SLC39A11: variants seen among roughly 807,000 people sequenced by gnomAD.
SLC39A11 encodes the protein zinc transporter ZIP11.
SLC39A11 carries 33 observed loss-of-function variants against 36.1 expected under a neutral mutation model. The observed-to-expected ratio is 0.91, with a 90% CI of 0.69 to 1.22. The LOEUF is 1.22. SLC39A11 is among the 50% of genes most tolerant of loss of function. The pLI is 0.00. For missense variants in SLC39A11, 432 were observed against 430.3 expected (o/e 1.00, Z -0.03); for synonymous variants, 166 against 170.3 (o/e 0.97, Z 0.20).
At chr17:73,033,310 G>A (rs2058799796) in intron 3 of SLC39A11, among the ~76,000 whole-genome samples, 1 of 152,228 alleles carries the variant, frequency 6.6e-6, no homozygotes, top group South Asian at 2.1e-4. Flanking sequence ...GTAAGTAGCA[G>A]ATCCAGGGAA....
At chr17:72,809,239 C>G (rs1450252828) in intron 6 of SLC39A11, among the ~76,000 whole-genome samples, 1 of 148,306 alleles carries the variant, frequency 6.7e-6, no homozygotes, top group African/African-American at 2.6e-5. Context: ...TTCTTTCTGC[C>G]CTCTCAGGCC....
chr17:72,677,342 C>G (rs1326963653), intron 7 of SLC39A11, among the ~76,000 whole-genome samples: 3 of 152,184 alleles, frequency 2.0e-5, no homozygotes, highest in Non-Finnish European at 4.4e-5. Flanking sequence ...ATGGCCAACA[C>G]CAGCTGGGCC....
intron 5 of SLC39A11, among the ~76,000 whole-genome samples, chr17:72,899,197 C>T (rs1276554656): frequency 6.6e-6 from 1 of 152,090 alleles, no homozygotes; most frequent in Admixed American, 6.5e-5. Context: ...AAGGGCAGCT[C>T]CATTTCCCCA....
At position 72,647,478 on chromosome 17, in the gene SLC39A11, G is replaced by C. The variant is rs2069607189; in HGVS notation, c.*106C>G. ...TCAGGATAATGAGATGAAGAAGAGA[G>C]GAAGGAAAAAAGTTTTAATGTGAAG... On this transcript the variant is annotated 3_prime_UTR_variant, in exon 10 of 10. Coordinates refer to ENST00000255559, the MANE Select transcript of SLC39A11 (RefSeq NM_139177.4). 1 of 824,762 alleles carries C rather than the reference G, an allele frequency of 1.2e-6. No individual in the cohort carries two copies. The highest frequency in any genetic ancestry group is 1.7e-5 in the African/African-American group (1 of 57,790). The allele number at this position is 824,762 out of a possible 1,614,324, so 51.1% of individuals were successfully genotyped here. A position where few individuals can be genotyped will look rare whatever the true frequency, so the allele number is the denominator to read the frequency against.
Position 72,665,389 on chromosome 17 carries a change from G to GT in SLC39A11, c.672-16122dup, listed in dbSNP as rs780329919. ...GGTTTAAGCCACCAAGTTTTGAGGT[G>GT]TTTTTTTTTTTTTTTTTTTTTGAGA... On this transcript the variant is annotated intron_variant, in intron 7 of 9. Transcript: ENST00000255559. Among the ~76,000 whole-genome samples, 452 of 76,612 alleles carry GT rather than the reference G, an allele frequency of 5.9e-3. 27 individuals carry two copies. Among genetic ancestry groups the GT allele is most frequent in the East Asian group, 0.02 (56 of 2,738 alleles). 50.3% of individuals were successfully genotyped at this position (76,612 alleles called of 152,430 possible).
intron 4 of SLC39A11, among the ~76,000 whole-genome samples, chr17:72,991,599 T>C (rs1322694102): frequency 6.6e-6 from 1 of 150,630 alleles, no homozygotes; most frequent in Non-Finnish European, 1.5e-5. Flanking sequence ...TCTCAGATAA[T>C]CCCCCCGCCT....
intron 4 of SLC39A11, among the ~76,000 whole-genome samples, chr17:72,990,718 G>A (rs978842502): frequency 9.2e-5 from 14 of 152,076 alleles, no homozygotes; most frequent in African/African-American, 3.4e-4. Flanking sequence ...GTGAAGAACC[G>A]TGCCTGTCCC....
At chr17:72,890,923 T>C (rs1463670354) in intron 5 of SLC39A11, among the ~76,000 whole-genome samples, 1 of 152,116 alleles carries the variant, frequency 6.6e-6, no homozygotes. Flanking sequence ...ACTGCAAATA[T>C]ACTGAGAATT....
At chr17:72,690,932 C>T (rs955113730) in intron 7 of SLC39A11, among the ~76,000 whole-genome samples, 3 of 152,214 alleles carry the variant, frequency 2.0e-5, no homozygotes, top group Admixed American at 6.5e-5. Flanking sequence ...CTGGAAACGT[C>T]TAGAGTAGAT....
At position 73,026,425 on chromosome 17, in the gene SLC39A11, G is replaced by A. The variant is rs536977899; in HGVS notation, c.306+5131C>T. ...AGATAGTTGGGAGACTGAGGCAGGA[G>A]AATCGCCTGAACCCGGGAGGGAGGC... is the stretch of plus-strand genomic sequence containing the variant. On this transcript the variant is annotated intron_variant, in intron 4 of 9. Coordinates refer to ENST00000255559, the MANE Select transcript of SLC39A11 (RefSeq NM_139177.4). Among the ~76,000 whole-genome samples, 42 of 149,894 alleles carry A rather than the reference G, an allele frequency of 2.8e-4. 1 individual carries two copies. The highest frequency in any genetic ancestry group is 1.0e-3 in the African/African-American group (41 of 40,660).
At chr17:72,991,398 C>T (rs2089163466) in intron 4 of SLC39A11, among the ~76,000 whole-genome samples, 1 of 151,544 alleles carries the variant, frequency 6.6e-6, no homozygotes, top group Non-Finnish European at 1.5e-5. Flanking sequence ...TGCTCTGTCA[C>T]CCAGACTGGG....
intron 3 of SLC39A11, among the ~76,000 whole-genome samples, chr17:73,047,984 AAAAAAAATATATATATATAT>A (rs1318975365): frequency 4.7e-4 from 22 of 46,452 alleles, no homozygotes; most frequent in African/African-American, 1.4e-3. Context: ...AAAAAAAAAA[AAAAAAAATATATATATATAT>A]ATATATATAT....
At chr17:72,861,733 T>A (rs1181402708) in intron 5 of SLC39A11, among the ~76,000 whole-genome samples, 1 of 97,794 alleles carries the variant, frequency 1.0e-5, no homozygotes, top group Non-Finnish European at 2.0e-5. Context: ...TATACACACA[T>A]TGGAGATTAT....
chr17:72,969,686 T>C (rs770269984), intron 4 of SLC39A11, among the ~76,000 whole-genome samples: 1 of 152,136 alleles, frequency 6.6e-6, no homozygotes, highest in Non-Finnish European at 1.5e-5. Context: ...AACCTATGTA[T>C]ATAAATACAC....
intron 6 of SLC39A11, among the ~76,000 whole-genome samples, chr17:72,843,097 G>T (rs541502151): frequency 6.6e-6 from 1 of 151,826 alleles, no homozygotes; most frequent in Non-Finnish European, 1.5e-5. Context: ...TTACAGGCAC[G>T]TGCCACCACG....
At chr17:72,862,841 A>C (rs1261181154) in intron 5 of SLC39A11, among the ~76,000 whole-genome samples, 1 of 152,178 alleles carries the variant, frequency 6.6e-6, no homozygotes, top group Non-Finnish European at 1.5e-5. Context: ...CCACATGTGC[A>C]TGCGGGAGCA....
chr17:73,060,329 T>C (rs376593511), intron 3 of SLC39A11, among the ~76,000 whole-genome samples: 2 of 152,020 alleles, frequency 1.3e-5, no homozygotes, highest in South Asian at 4.1e-4. Context: ...AAGACTGCGT[T>C]CTACCAAAAT....
rs982536434 is a variant in SLC39A11 at position 72,952,067 on chromosome 17, A to T, written c.307-4192T>A. On this transcript the variant is annotated intron_variant, in intron 4 of 9. Transcript: ENST00000255559. Reference sequence around the variant, plus strand: ...TCCACCTGTACCCACTCCCGCCTGTACCCCCCGCTTCCCCCATGTGCTCCC... The same window carrying T: ...TCCACCTGTACCCACTCCCGCCTGTTCCCCCCGCTTCCCCCATGTGCTCCC... Among the ~76,000 whole-genome samples the T allele has an allele frequency of 3.3e-5, 5 of 151,878 alleles. No homozygotes were observed. In the East Asian group the frequency reaches 9.7e-4, roughly 29 times the overall value.
chr17:72,829,537 G>C (rs1191362971), intron 6 of SLC39A11, among the ~76,000 whole-genome samples: 8 of 152,066 alleles, frequency 5.3e-5, no homozygotes, highest in Admixed American at 5.2e-4. Context: ...CAGAAGTTCA[G>C]GACTTTAACT....
Sources: gnomAD v4.1 joint callset for allele counts (sites outside exome capture counted in the v4.1 genomes callset) on GRCh38, gnomAD v4.1.1 for gene constraint, MANE v1.5 for transcripts, NCBI Gene and HGNC (gene_info 2026-07-23, HGNC 2026-07-21) for gene names.